The following USP20 variants were observed in gnomAD, a reference collection of about 807,000 sequenced individuals.
USP20 encodes the protein ubiquitin specific peptidase 20.
USP20 carries 80 observed loss-of-function variants against 124.2 expected under a neutral mutation model. The ratio of observed to expected loss-of-function variants is 0.64; its 90% CI spans 0.54 to 0.78. USP20 has a LOEUF of 0.78. USP20 is among the 30% of genes least tolerant of loss of function. The pLI, the probability that USP20 is intolerant of heterozygous loss-of-function variation, is 0.00. For missense variants in USP20, 1,043 were observed against 1,244.4 expected, an observed-to-expected ratio of 0.84 and a Z score of 2.44; for synonymous variants, 481 against 512.3, an observed-to-expected ratio of 0.94 and a Z score of 0.83.
At chr9:129,874,464 T>C in intron 17 of USP20, 112 bp from the exon 18 acceptor site, 1 of 1,406,818 alleles carries the variant, frequency 7.1e-7, no homozygotes, top group Non-Finnish European at 9.7e-7. Context: ...TTGGATTTGT[T>C]CCAATGGAGT....
At chr9:129,838,770 T>A (rs979062773) in intron 1 of USP20, among the ~76,000 whole-genome samples, 3 of 152,246 alleles carry the variant, frequency 2.0e-5, no homozygotes, top group Admixed American at 6.5e-5. Flanking sequence ...ACTGAGTTTC[T>A]GCTCATGCTT....
intron 9 of USP20, among the ~76,000 whole-genome samples, chr9:129,864,066 A>G (rs1326009781): frequency 6.7e-6 from 1 of 149,926 alleles, no homozygotes; most frequent in African/African-American, 2.5e-5. Flanking sequence ...AGATCGCACC[A>G]CTGCACTCCA....
chr9:129,876,712 G>A (rs1328088607), intron 22 of USP20, among the ~76,000 whole-genome samples: 2 of 152,058 alleles, frequency 1.3e-5, no homozygotes, highest in Non-Finnish European at 2.9e-5. Flanking sequence ...GTCTAGGAGG[G>A]CTTTTCCTGG....
rs775051935 is a variant in USP20 at position 129,856,354 on chromosome 9, T to C, written c.129T>C (p.Cys43=). 4 of 1,614,138 alleles carry C rather than the reference T, an allele frequency of 2.5e-6. No homozygotes were observed. Among genetic ancestry groups the C allele is most frequent in the Non-Finnish European group, 3.4e-6 (4 of 1,179,996 alleles). ...TCACCGGACCAAACCTATGGGCCTG[T>C]CTGCAGGTAAAAGACCCTTGTGGCC... is the stretch of plus-strand genomic sequence containing the variant. ...CGVTGPNLWA[C]LQVACPYVGC... is the part of the protein sequence containing the mutation. Residue 43 remains cysteine, a synonymous_variant, in exon 4 of 26, where the codon TGT becomes TGC. Transcript: ENST00000372429.
chr9:129,860,233 G>T (rs987886075), intron 6 of USP20, among the ~76,000 whole-genome samples: 3 of 151,964 alleles, frequency 2.0e-5, no homozygotes, highest in Non-Finnish European at 2.9e-5. Context: ...AGGAGGCTGA[G>T]GCAGGAGAAT....
At chr9:129,871,786 G>A (rs937094310) in intron 15 of USP20, among the ~76,000 whole-genome samples, 5 of 152,084 alleles carry the variant, frequency 3.3e-5, no homozygotes, top group Non-Finnish European at 5.9e-5. Context: ...GCATGATCTC[G>A]GCTTATTGCA....
At position 129,879,705 on chromosome 9, in the gene USP20, C is replaced by T. The variant is rs928122994; in HGVS notation, c.2584+61C>T. On this transcript the variant is annotated intron_variant, in intron 24 of 25. Transcript: ENST00000372429. The surrounding 1 kb of genome is among the most constrained non-coding windows in gnomAD (Gnocchi z 4.2). The stretch of plus-strand genomic sequence containing the variant: ...GCCCTTCCTGGCTGCCAGGCTGCTG[C>T]CCAGTCCCGTCCTTCCAGGAGCCCC... 8.8e-6 allele frequency: 14 copies of T among 1,586,126 alleles called. No homozygotes were observed. In the African/African-American group the frequency reaches 1.7e-4, roughly 20 times the overall value.
At position 129,865,419 on chromosome 9, in the gene USP20, A is replaced by G. The variant is rs113144247; in HGVS notation, c.690+38A>G. 6.2e-5 allele frequency: 99 copies of G among 1,607,782 alleles called. No individual in the cohort carries two copies. In the African/African-American group the frequency reaches 9.2e-4, roughly 15 times the overall value. The stretch of plus-strand genomic sequence containing the variant: ...AGCTGCCCAGGGGACACCCAAGGCC[A>G]TGACCCACCAGGCCTGACTTTGACG... On this transcript the variant is annotated intron_variant, in intron 10 of 25. Coordinates refer to ENST00000372429, the MANE Select transcript of USP20 (RefSeq NM_001110303.4).
chr9:129,849,344 C>T (rs920747354), intron 1 of USP20, among the ~76,000 whole-genome samples: 1 of 152,196 alleles, frequency 6.6e-6, no homozygotes, highest in Non-Finnish European at 1.5e-5. Flanking sequence ...GGTGGTATTG[C>T]TCTCTGGCTG....
At chr9:129,853,835 C>T (rs1425727121) in intron 3 of USP20, among the ~76,000 whole-genome samples, 1 of 152,194 alleles carries the variant, frequency 6.6e-6, no homozygotes, top group African/African-American at 2.4e-5. Flanking sequence ...GGAAGGTTTG[C>T]ACTGGGCCTG....
chr9:129,856,693 C>T (rs1039422162), intron 4 of USP20, among the ~76,000 whole-genome samples: 7 of 152,252 alleles, frequency 4.6e-5, no homozygotes, highest in African/African-American at 1.7e-4. Flanking sequence ...CCTGGCACTG[C>T]TGCTCAGCAG....
At position 129,875,402 on chromosome 9, in the gene USP20, G is replaced by A. The variant is rs769143727; in HGVS notation, c.2141G>A (p.Arg714His). The change falls in exon 20 of 26, where the codon CGC becomes CAC. Residue 714 changes from arginine to histidine, a missense_variant. Arg to His is a conservative substitution (Grantham distance 29). Coordinates refer to ENST00000372429, the MANE Select transcript of USP20 (RefSeq NM_001110303.4). ...AGCCTGCTGCGGTTCTACGTGTCCCGCGAGTGGCTCAACAAGTTCAACACC... is the reference window on the plus strand; with the variant it reads ...AGCCTGCTGCGGTTCTACGTGTCCCACGAGTGGCTCAACAAGTTCAACACC... ...EPSLLRFYVS[R>H]EWLNKFNTFA... 82 of 1,613,472 alleles carry A rather than the reference G, an allele frequency of 5.1e-5. No individual in the cohort carries two copies. The highest frequency in any genetic ancestry group is 6.4e-5 in the Non-Finnish European group (76 of 1,179,990).
chr9:129,880,459 C>T lies in USP20; in HGVS notation c.*17-8C>T. ...CGGCCCCACTGCTGAGTGCCCGTGTCCCCACAGCCCCATGTGCCCCACCCC... is the reference window on the plus strand; with the variant it reads ...CGGCCCCACTGCTGAGTGCCCGTGTTCCCACAGCCCCATGTGCCCCACCCC... On this transcript the variant is annotated splice_region_variant and splice_polypyrimidine_tract_variant and intron_variant, in intron 25 of 25. Coordinates refer to ENST00000372429, the MANE Select transcript of USP20 (RefSeq NM_001110303.4). The T allele has an allele frequency of 1.3e-6, 1 of 769,796 alleles. No homozygotes were observed. The highest frequency in any genetic ancestry group is 2.9e-5 in the Admixed American group (1 of 34,154). The allele number at this position is 769,796 out of a possible 1,614,324, so 47.7% of individuals were successfully genotyped here. A position where few individuals can be genotyped will look rare whatever the true frequency, so the allele number is the denominator to read the frequency against.
chr9:129,870,298 C>T, intron 14 of USP20, 155 bp from the exon 15 acceptor site: 1 of 695,734 alleles, frequency 1.4e-6, no homozygotes, highest in South Asian at 1.8e-5. Flanking sequence ...GTGTCTGGCT[C>T]CAGGCCTCTG....
rs760771732 is a variant in USP20, at chr9:129,874,697, C to T, written c.1862C>T (p.Thr621Ile). ...CGCCCCTTCCTTGCCAAGGAGTGCA[C>T]ATCCCAGATCACCACCTACGACCTC... ...DLRPFLAKEC[T>I]SQITTYDLLS... is the part of the protein sequence containing the mutation. The change falls in exon 18 of 26, where the codon ACA becomes ATA. Residue 621 changes from threonine (T) to isoleucine (I), a missense_variant. By Grantham distance (89) the Thr-to-Ile change is moderately conservative. Transcript: ENST00000372429. 1 of 1,613,988 alleles carries T rather than the reference C, an allele frequency of 6.2e-7. No homozygotes were observed. Among genetic ancestry groups the T allele is most frequent in the Non-Finnish European group, 8.5e-7 (1 of 1,180,024 alleles).
In USP20 at chr9:129,870,875, G is replaced by A. The variant is rs1332868342; in HGVS notation, c.1660+328G>A. Among the ~76,000 whole-genome samples, 3 of 151,862 alleles carry A rather than the reference G, an allele frequency of 2.0e-5. No homozygotes were observed. In the East Asian group the frequency reaches 5.8e-4, roughly 29 times the overall value. ...TCTACATTTTTTGTTAAATATACTG[G>A]CTCTATGTATTTATTTAAACATTGC... On this transcript the variant is annotated intron_variant, in intron 15 of 25. Transcript: ENST00000372429.
intron 22 of USP20, among the ~76,000 whole-genome samples, chr9:129,878,124 G>C (rs1389555742): frequency 6.6e-6 from 1 of 152,190 alleles, no homozygotes; most frequent in African/African-American, 2.4e-5. Context: ...TTATTGAAGA[G>C]ACCCACAAAA....
chr9:129,842,760 A>G (rs1005069752), intron 1 of USP20, among the ~76,000 whole-genome samples: 27 of 151,608 alleles, frequency 1.8e-4, no homozygotes, highest in African/African-American at 6.5e-4. Context: ...CACCTGGCTA[A>G]TTTTTTGTAT....
intron 17 of USP20, among the ~76,000 whole-genome samples, chr9:129,873,954 C>G (rs1240750980): frequency 1.3e-5 from 2 of 152,188 alleles, no homozygotes; most frequent in African/African-American, 4.8e-5. Flanking sequence ...TCTCGGTAGC[C>G]TCAGCACATG....
Sources: gnomAD v4.1 joint callset for allele counts (sites outside exome capture counted in the v4.1 genomes callset) on GRCh38, gnomAD v4.1.1 for gene constraint, Gnocchi (gnomAD v3.1) non-coding constraint, MANE v1.5 for transcripts, NCBI Gene and HGNC (gene_info 2026-07-23, HGNC 2026-07-21) for gene names.